The following RIC8B variants were observed in gnomAD, a reference collection of about 807,000 sequenced individuals.
RIC8B encodes the protein chaperone Ric-8B.
In RIC8B, 16 loss-of-function variants were observed where a neutral mutation model predicts 57.5. That is an observed-to-expected ratio of 0.28 (90% CI 0.19 to 0.42). RIC8B has a LOEUF of 0.42. RIC8B is among the 10% of genes least tolerant of loss of function. The pLI is 1.00. For missense variants in RIC8B, 481 were observed against 677.0 expected, an observed-to-expected ratio of 0.71 and a Z score of 3.21; for synonymous variants, 216 against 250.8, an observed-to-expected ratio of 0.86 and a Z score of 1.31.
At chr12:106,799,083 G>T (rs978921176) in intron 2 of RIC8B, among the ~76,000 whole-genome samples, 1 of 152,140 alleles carries the variant, frequency 6.6e-6, no homozygotes, top group African/African-American at 2.4e-5. Flanking sequence ...TATCAGGGTG[G>T]TGTACATAGG....
intron 3 of RIC8B, among the ~76,000 whole-genome samples, chr12:106,818,004 G>A (rs1593192566): frequency 6.6e-6 from 1 of 151,992 alleles, no homozygotes; most frequent in Non-Finnish European, 1.5e-5. Flanking sequence ...GAAATAAAAG[G>A]ATATGGAAAA....
chr12:106,859,334 A>G (rs935708170), intron 7 of RIC8B, among the ~76,000 whole-genome samples: 1 of 152,180 alleles, frequency 6.6e-6, no homozygotes, highest in Non-Finnish European at 1.5e-5. Context: ...CTGCAGTGCA[A>G]GTGTCCCTTG....
intron 2 of RIC8B, among the ~76,000 whole-genome samples, chr12:106,801,829 A>G (rs893298813): frequency 8.5e-5 from 13 of 152,236 alleles, no homozygotes; most frequent in Non-Finnish European, 1.5e-4. Context: ...GGAACTGACA[A>G]CATTGTCCCA....
chr12:106,774,878 C>A, intron 1 of RIC8B, 49 bp downstream of exon 1: 2 of 1,408,738 alleles, frequency 1.4e-6, no homozygotes, highest in South Asian at 1.3e-5. Flanking sequence ...CCGGGCCGCC[C>A]TCCGTGCTTG....
chr12:106,804,753 G>C lies in RIC8B; in HGVS notation c.133-9943G>C, dbSNP rs577768568. ...TTAAACAGACCCTGCCCCCGCCAAA[G>C]CTGATAAAAGAGAGAACTCTCCATA... On this transcript the variant is annotated intron_variant, in intron 2 of 9. Transcript: ENST00000392837. Among the ~76,000 whole-genome samples, 9 of 152,332 alleles carry C rather than the reference G, an allele frequency of 5.9e-5. No homozygotes were observed. In the East Asian group the frequency reaches 1.7e-3, roughly 29 times the overall value.
At chr12:106,792,666 T>C (rs2044307883) in intron 2 of RIC8B, among the ~76,000 whole-genome samples, 1 of 152,202 alleles carries the variant, frequency 6.6e-6, no homozygotes, top group East Asian at 1.9e-4. Flanking sequence ...GGCCGGATGC[T>C]GTGTCTCACT....
In RIC8B at chr12:106,791,557, T is replaced by C. The variant is rs536070781; in HGVS notation, c.132+7513T>C. 7.9e-5 allele frequency among the ~76,000 whole-genome samples: 12 copies of C among 152,350 alleles called. No individual in the cohort carries two copies. In the South Asian group the frequency reaches 1.7e-3, roughly 21 times the overall value. On this transcript the variant is annotated intron_variant, in intron 2 of 9. Transcript: ENST00000392837. ...GCCAGTTTATGGAGTGAAATATATATAAACACAAAAGTTCATTCTGCCATT... is the reference window on the plus strand; with the variant it reads ...GCCAGTTTATGGAGTGAAATATATACAAACACAAAAGTTCATTCTGCCATT...
At chr12:106,875,875 A>G (rs946947934) in intron 9 of RIC8B, among the ~76,000 whole-genome samples, 5 of 152,148 alleles carry the variant, frequency 3.3e-5, no homozygotes, top group African/African-American at 1.2e-4. Context: ...GTTCCCTTTA[A>G]TCAAAAGATT....
intron 3 of RIC8B, among the ~76,000 whole-genome samples, chr12:106,822,077 C>CAAAAAAAAAAAAAAAAAAAAAAAAAAA (rs67378158): frequency 2.6e-5 from 1 of 38,036 alleles, no homozygotes; most frequent in Non-Finnish European, 4.5e-5. Context: ...GACTCCATCT[C>CAAAAAAAAAAAAAAAAAAAAAAAAAAA]AAAAAAAAAA....
chr12:106,784,975 A>C (rs1198501719), intron 2 of RIC8B, among the ~76,000 whole-genome samples: 1 of 151,986 alleles, frequency 6.6e-6, no homozygotes, highest in Non-Finnish European at 1.5e-5. Flanking sequence ...CTGTTCTTTC[A>C]TTTTCCAGTT....
rs996960419 is a variant in RIC8B at position 106,889,281 on chromosome 12, A to C, written c.*3266A>C. 3.3e-5 allele frequency: 5 copies of C among 152,104 alleles called. No homozygotes were observed. In the South Asian group the frequency reaches 1.0e-3, roughly 32 times the overall value. The allele number at this position is 152,104 out of a possible 1,614,324, so 9.4% of individuals were successfully genotyped here. A position where few individuals can be genotyped will look rare whatever the true frequency, so the allele number is the denominator to read the frequency against. On this transcript the variant is annotated 3_prime_UTR_variant, in exon 10 of 10. Transcript: ENST00000392837. ...CTGCTTTCTTTAACATATTGTGAGC[A>C]TTTTCCCATGTCAATAAATATTCTT...
rs1566169701 is a variant in RIC8B at position 106,871,500 on chromosome 12, C to CAAAAAAAAAA, written c.1571+564_1571+565insAAAAAAAAAA. The CAAAAAAAAAA allele has an allele frequency of 1.0e-3, 68 of 66,554 alleles. 6 individuals carry two copies. The highest frequency in any genetic ancestry group is 0.01 in the Middle Eastern group (1 of 98). 4.1% of individuals were successfully genotyped at this position (66,554 alleles called of 1,614,324 possible). On this transcript the variant is annotated intron_variant, in intron 9 of 9. Transcript: ENST00000392837. ...AAAAAAAAAAAAAAAAAAAAAAAAC[C>CAAAAAAAAAA]AAAAAACTCCCCTTCCCCTCTTGCT...
chr12:106,825,208 C>G (rs567113051), intron 3 of RIC8B, among the ~76,000 whole-genome samples: 57 of 152,248 alleles, frequency 3.7e-4, no homozygotes, highest in Non-Finnish European at 6.8e-4. Flanking sequence ...AATACCACTG[C>G]CAATGAGTAA....
At chr12:106,829,822 A>G (rs964494778) in intron 4 of RIC8B, among the ~76,000 whole-genome samples, 2 of 152,146 alleles carry the variant, frequency 1.3e-5, no homozygotes, top group Non-Finnish European at 2.9e-5. Flanking sequence ...AAATCTTGTC[A>G]TGGCTCCTCT....
chr12:106,785,857 T>C (rs1307661137), intron 2 of RIC8B, among the ~76,000 whole-genome samples: 2 of 138,930 alleles, frequency 1.4e-5, no homozygotes, highest in African/African-American at 5.3e-5. Context: ...GTATAAAGTA[T>C]ATAAATTATT....
chr12:106,819,712 C>A (rs930930037), intron 3 of RIC8B, among the ~76,000 whole-genome samples: 1 of 148,614 alleles, frequency 6.7e-6, no homozygotes, highest in Admixed American at 6.7e-5. Context: ...TTACCGCATT[C>A]CCGCCTGGGT....
chr12:106,885,819 G>T, intron 9 of RIC8B, 85 bp from the exon 10 acceptor site: 1 of 816,462 alleles, frequency 1.2e-6, no homozygotes. Flanking sequence ...CTTTTTAAAA[G>T]GTTGTGGATT....
intron 1 of RIC8B, among the ~76,000 whole-genome samples, chr12:106,781,587 T>C (rs577822157): frequency 4.7e-4 from 71 of 152,314 alleles, no homozygotes; most frequent in Non-Finnish European, 8.8e-4. Context: ...ATTTTCTAAT[T>C]AAGAGCAACA....
chr12:106,840,888 G>A (rs1948915787), intron 4 of RIC8B, among the ~76,000 whole-genome samples: 1 of 152,068 alleles, frequency 6.6e-6, no homozygotes, highest in African/African-American at 2.4e-5. Flanking sequence ...ATTGCCTGAT[G>A]TTTAGGGAAA....
Sources: gnomAD v4.1 joint callset for allele counts (sites outside exome capture counted in the v4.1 genomes callset) on GRCh38, gnomAD v4.1.1 for gene constraint, MANE v1.5 for transcripts, NCBI Gene and HGNC (gene_info 2026-07-23, HGNC 2026-07-21) for gene names.